CEMIP2: variants seen among roughly 807,000 people sequenced by gnomAD.
The protein encoded by CEMIP2 is cell migration inducing hyaluronidase 2.
CEMIP2 carries 79 observed loss-of-function variants against 146.9 expected under a neutral mutation model. That is an observed-to-expected ratio of 0.54 (90% CI 0.45 to 0.65). The LOEUF (loss-of-function observed/expected upper bound fraction) is 0.65. CEMIP2 is among the 30% of genes least tolerant of loss of function. The probability of loss-of-function intolerance (pLI) is 0.00; values close to 1 mark genes in which losing one functional copy is unlikely to be tolerated. For synonymous variants in CEMIP2, 601 were observed against 606.3 expected, an observed-to-expected ratio of 0.99 and a Z score of 0.13; for missense variants, 1,596 against 1,696.2, an observed-to-expected ratio of 0.94 and a Z score of 1.04.
chr9:71,693,379 G>A (rs181378377), intron 21 of CEMIP2, among the ~76,000 whole-genome samples: 35 of 152,302 alleles, frequency 2.3e-4, no homozygotes, highest in East Asian at 5.8e-4. Context: ...TGCTCTATGC[G>A]CAAATGCTAG....
At chr9:71,757,073 T>C (rs1331955073) in intron 1 of CEMIP2, among the ~76,000 whole-genome samples, 1 of 152,198 alleles carries the variant, frequency 6.6e-6, no homozygotes, top group Non-Finnish European at 1.5e-5. Context: ...ATCACTTACA[T>C]GGTGGTTGAG....
intron 15 of CEMIP2, among the ~76,000 whole-genome samples, chr9:71,713,650 C>T (rs1298121940): frequency 6.6e-6 from 1 of 152,184 alleles, no homozygotes; most frequent in Non-Finnish European, 1.5e-5. Flanking sequence ...GCGACCATCA[C>T]ATTGCAGCCC....
chr9:71,727,878 T>C (rs1020831607), intron 10 of CEMIP2, among the ~76,000 whole-genome samples: 5 of 152,022 alleles, frequency 3.3e-5, no homozygotes, highest in East Asian at 3.9e-4. Flanking sequence ...CTGGCCAATA[T>C]GGTGAAACCC....
chr9:71,709,173 A>G, intron 17 of CEMIP2, 86 bp downstream of exon 17: 1 of 1,245,596 alleles, frequency 8.0e-7, no homozygotes, highest in Non-Finnish European at 1.2e-6. Flanking sequence ...TGTCAATCAC[A>G]CTGAAAAGCT....
chr9:71,740,720 G>A (rs1011629137), intron 4 of CEMIP2, among the ~76,000 whole-genome samples: 3 of 152,160 alleles, frequency 2.0e-5, no homozygotes, highest in Non-Finnish European at 2.9e-5. Context: ...CAAAAGGTTG[G>A]GTACAGCATT....
At chr9:71,724,597 A>G (rs1407528258) in intron 11 of CEMIP2, among the ~76,000 whole-genome samples, 1 of 152,194 alleles carries the variant, frequency 6.6e-6, no homozygotes. Flanking sequence ...TCACACACAT[A>G]ACAAAACATT....
rs530082516 is a variant in CEMIP2, at chr9:71,726,652, G to C, written c.2050-943C>G. On this transcript the variant is annotated intron_variant, in intron 10 of 23. Transcript: ENST00000377044. ...TAACAAATAGAGTCCATTGGGAGGA[G>C]AGATGAGAGAGGAATTATGGAAAAC... Among the ~76,000 whole-genome samples, 230 of 152,308 alleles carry C rather than the reference G, an allele frequency of 1.5e-3. 1 individual carries two copies. Among genetic ancestry groups the C allele is most frequent in the African/African-American group, 4.7e-3 (196 of 41,566 alleles).
rs1484032812 is a variant in CEMIP2 at position 71,714,934 on chromosome 9, C to T, written c.2591G>A (p.Arg864Lys). 6.2e-7 allele frequency: 1 copy of T among 1,612,086 alleles called. No homozygotes were observed. The change falls in exon 15 of 24, where the codon AGG (arginine) becomes AAG (lysine). Residue 864 changes from arginine to lysine, a missense_variant and splice_region_variant. Arg to Lys is a conservative substitution (Grantham distance 26). Coordinates refer to ENST00000377044, the MANE Select transcript of CEMIP2 (RefSeq NM_013390.3). ...DQKPRTLPRN[R>K]TFPIRGFQIY... ...ACTCCACAGCTAAAGCAATGCTTAC[C>T]TGTTCCTGGGTAATGTTCGAGGCTT...
chr9:71,751,147 G>A (rs1341472291), intron 1 of CEMIP2, among the ~76,000 whole-genome samples: 1 of 152,114 alleles, frequency 6.6e-6, no homozygotes, highest in East Asian at 1.9e-4. Context: ...ACAATTCAAT[G>A]GCATTACGTA....
At chr9:71,707,738 G>A (rs1360950214) in intron 17 of CEMIP2, among the ~76,000 whole-genome samples, 2 of 152,152 alleles carry the variant, frequency 1.3e-5, no homozygotes, top group Non-Finnish European at 2.9e-5. Flanking sequence ...CCCATGCTAC[G>A]AAAAGAACAT....
intron 17 of CEMIP2, among the ~76,000 whole-genome samples, chr9:71,705,344 CT>C (rs1213230916): frequency 6.6e-6 from 1 of 151,542 alleles, no homozygotes; most frequent in African/African-American, 2.4e-5. Flanking sequence ...AAACATTAAA[CT>C]GAGACAAATT....
chr9:71,755,719 G>A (rs1824415218), intron 1 of CEMIP2, among the ~76,000 whole-genome samples: 1 of 151,846 alleles, frequency 6.6e-6, no homozygotes, highest in Admixed American at 6.6e-5. Context: ...CACTTTGAGA[G>A]GCTGAGGCAG....
intron 17 of CEMIP2, 101 bp from the exon 18 acceptor site, chr9:71,704,904 A>T (rs1275055142): frequency 8.9e-7 from 1 of 1,124,762 alleles, no homozygotes; most frequent in Admixed American, 2.1e-5. Context: ...TTGAAAAGGG[A>T]GATTCTGTGA....
intron 10 of CEMIP2, among the ~76,000 whole-genome samples, chr9:71,726,746 G>A (rs189895389): frequency 7.5e-4 from 114 of 152,272 alleles, no homozygotes; most frequent in African/African-American, 2.6e-3. Context: ...GTCTACAAAT[G>A]GGTCTTAACA....
At chr9:71,738,929 G>T (rs373294978) in intron 5 of CEMIP2, among the ~76,000 whole-genome samples, 1 of 152,138 alleles carries the variant, frequency 6.6e-6, no homozygotes, top group Admixed American at 6.5e-5. Flanking sequence ...AAGCCAGAAG[G>T]TTAGATGGGG....
chr9:71,729,961 C>G (rs762857690), intron 9 of CEMIP2, 47 bp from the exon 10 acceptor site: 1 of 1,613,040 alleles, frequency 6.2e-7, no homozygotes. Flanking sequence ...CATAAAAACT[C>G]CTGCCCACTA....
chr9:71,761,554 C>T (rs915925994), intron 1 of CEMIP2, among the ~76,000 whole-genome samples: 3 of 152,186 alleles, frequency 2.0e-5, no homozygotes, highest in African/African-American at 7.2e-5. Flanking sequence ...AGGACCAGAA[C>T]CCAAGTTGAC....
intron 10 of CEMIP2, among the ~76,000 whole-genome samples, chr9:71,728,454 C>T (rs2131960302): frequency 6.7e-6 from 1 of 148,664 alleles, no homozygotes; most frequent in Middle Eastern, 3.4e-3. Context: ...TACACTTCAA[C>T]CTGGGTGACA....
At chr9:71,767,020 T>C (rs1442804495) in intron 1 of CEMIP2, among the ~76,000 whole-genome samples, 1 of 152,226 alleles carries the variant, frequency 6.6e-6, no homozygotes, top group Non-Finnish European at 1.5e-5. Flanking sequence ...CACATTCTTC[T>C]GCTTTGCCCA....
Sources: gnomAD v4.1 joint callset for allele counts (sites outside exome capture counted in the v4.1 genomes callset) on GRCh38, gnomAD v4.1.1 for gene constraint, MANE v1.5 for transcripts, NCBI Gene and HGNC (gene_info 2026-07-23, HGNC 2026-07-21) for gene names.